Variants in STRN observed in about 807,000 individuals in gnomAD.
STRN encodes the protein striatin.
In STRN, 53 loss-of-function variants were observed where a neutral mutation model predicts 96.3. The observed-to-expected ratio is 0.55, with a 90% CI of 0.44 to 0.69. The LOEUF is 0.69. STRN is among the 30% of genes least tolerant of loss of function. STRN has a pLI of 0.00. For missense variants in STRN, 987 were observed against 963.9 expected (o/e 1.02, Z -0.32); for synonymous variants, 428 against 355.9 (o/e 1.20, Z -2.28).
intron 3 of STRN, among the ~76,000 whole-genome samples, 179 bp downstream of exon 3, chr2:36,915,898 AG>A (rs1453279639): frequency 6.6e-6 from 1 of 152,248 alleles, no homozygotes; most frequent in Non-Finnish European, 1.5e-5. Flanking sequence ...AAGAGGGAAA[AG>A]GAAGGAAGGT....
At chr2:36,901,149 G>A (rs949928984) in intron 5 of STRN, among the ~76,000 whole-genome samples, 1 of 152,124 alleles carries the variant, frequency 6.6e-6, no homozygotes, top group African/African-American at 2.4e-5. Flanking sequence ...ATTAGCAACA[G>A]TATCTTTGTC....
intron 7 of STRN, 21 bp downstream of exon 7, chr2:36,893,877 G>A (rs1669468193): frequency 1.3e-6 from 2 of 1,579,238 alleles, no homozygotes; most frequent in Admixed American, 4.0e-5. Context: ...ATCTCTGGTT[G>A]GATCCAGTAT....
chr2:36,887,367 G>A (rs2717520), intron 7 of STRN, among the ~76,000 whole-genome samples: 128,752 of 151,540 alleles, frequency 0.85, 56,830 homozygotes, highest in Non-Finnish European at 0.96. Flanking sequence ...TTACTTGGGA[G>A]GCTGAGGCAG....
At chr2:36,934,694 C>G (rs145439908) in intron 1 of STRN, among the ~76,000 whole-genome samples, 1 of 152,180 alleles carries the variant, frequency 6.6e-6, no homozygotes, top group African/African-American at 2.4e-5. Flanking sequence ...CTCTTCCCAA[C>G]GGAAGAAGGC....
In STRN at chr2:36,841,589, T is replaced by A. The variant is rs889069059; in HGVS notation, c.*7867A>T. ...TAGTCAAAACCATTCAAAAGAGAACTCACTCTGTAAAAACGATTCTCATAT... is the reference window on the plus strand; with the variant it reads ...TAGTCAAAACCATTCAAAAGAGAACACACTCTGTAAAAACGATTCTCATAT... On this transcript the variant is annotated 3_prime_UTR_variant, in exon 18 of 18. Coordinates refer to ENST00000263918, the MANE Select transcript of STRN (RefSeq NM_003162.4). 4 of 152,176 alleles carry A rather than the reference T, an allele frequency of 2.6e-5. No homozygotes were observed. Among genetic ancestry groups the A allele is most frequent in the Non-Finnish European group, 4.4e-5 (3 of 68,022 alleles). The allele number at this position is 152,176 out of a possible 1,614,324, so 9.4% of individuals were successfully genotyped here. A position where few individuals can be genotyped will look rare whatever the true frequency, so the allele number is the denominator to read the frequency against.
At chr2:36,888,792 C>T (rs1440383591) in intron 7 of STRN, among the ~76,000 whole-genome samples, 1 of 152,022 alleles carries the variant, frequency 6.6e-6, no homozygotes, top group Non-Finnish European at 1.5e-5. Flanking sequence ...GCGATCCTCC[C>T]ACCTCTGCCC....
At position 36,843,222 on chromosome 2, in the gene STRN, C is replaced by T. The variant is rs1344484922; in HGVS notation, c.*6234G>A. Among the ~76,000 whole-genome samples the T allele has an allele frequency of 2.6e-5, 4 of 152,070 alleles. No homozygotes were observed. Among genetic ancestry groups the T allele is most frequent in the Non-Finnish European group, 5.9e-5 (4 of 68,012 alleles). ...CATTAGTATACCAGCATACAGAACA[C>T]CAAACAATGGTGGATAGTTTCAAGG... On this transcript the variant is annotated 3_prime_UTR_variant, in exon 18 of 18. Transcript: ENST00000263918.
intron 5 of STRN, 71 bp downstream of exon 5, chr2:36,902,513 A>G: frequency 8.0e-7 from 1 of 1,245,722 alleles, no homozygotes; most frequent in Non-Finnish European, 1.1e-6. Flanking sequence ...AGTACAAGTA[A>G]TGTCCATAAA....
intron 3 of STRN, among the ~76,000 whole-genome samples, chr2:36,908,717 T>C (rs1669886381): frequency 6.6e-6 from 1 of 152,312 alleles, no homozygotes; most frequent in Admixed American, 6.5e-5. Context: ...CTCATGCCTG[T>C]AATACCAGCA....
rs752683564 is a variant in STRN, at chr2:36,858,102, A to G, written c.1670-79T>C. On this transcript the variant is annotated intron_variant, in intron 13 of 17. Transcript: ENST00000263918. ...TTAGATTTCAGAGAAAGTAAAATAT[A>G]TAAACAATAGCACCTGATAACAGTA... is the stretch of plus-strand genomic sequence containing the variant. 6.6e-6 allele frequency: 8 copies of G among 1,205,136 alleles called. No homozygotes were observed. In the Middle Eastern group the frequency reaches 5.8e-4, roughly 88 times the overall value. 74.7% of individuals were successfully genotyped at this position (1,205,136 alleles called of 1,614,324 possible). A position where few individuals can be genotyped will look rare whatever the true frequency, so the allele number is the denominator to read the frequency against.
At chr2:36,911,814 A>G (rs562704030) in intron 3 of STRN, among the ~76,000 whole-genome samples, 4 of 152,204 alleles carry the variant, frequency 2.6e-5, no homozygotes, top group African/African-American at 9.6e-5. Flanking sequence ...AGACTACCAA[A>G]TGTGCAGCCT....
rs1040781025 is a variant in STRN, at chr2:36,966,445, G to C, written c.19C>G (p.Pro7Ala). The change falls in exon 1 of 18, where the codon CCC (proline) becomes GCC (alanine). Residue 7 changes from proline to alanine, a missense_variant. Transcript: ENST00000263918. ...TGGTTGTTGCTGAAGAAGACGCCGG[G>C]ACCCGCCTGCTCGTCCATGGCGGCC... The part of the protein sequence containing the change: MDEQAG[P>A]GVFFSNNHPG... 2.1e-5 allele frequency: 31 copies of C among 1,463,552 alleles called. No homozygotes were observed. Among genetic ancestry groups the C allele is most frequent in the Non-Finnish European group, 2.8e-5 (31 of 1,109,372 alleles). 90.7% of individuals were successfully genotyped at this position (1,463,552 alleles called of 1,614,324 possible).
rs1668708485 is a variant in STRN at position 36,869,386 on chromosome 2, A to C, written c.1499+168T>G. On this transcript the variant is annotated intron_variant, in intron 11 of 17. Coordinates refer to ENST00000263918, the MANE Select transcript of STRN (RefSeq NM_003162.4). ...ATATCTTCCTAAGCATCAGTTTTCT[A>C]ACCTAGCATTAGGTTGTATAAATGG... Among the ~76,000 whole-genome samples the C allele has an allele frequency of 2.0e-5, 3 of 152,242 alleles. No homozygotes were observed. In the South Asian group the frequency reaches 6.2e-4, roughly 32 times the overall value.
chr2:36,909,013 G>C lies in STRN; in HGVS notation c.413-3395C>G, dbSNP rs138901020. ...AAACACCCCAGAAAAAAAAATAGCT[G>C]GGCAAGGTGGCGCATGCGTGTAATC... is the stretch of plus-strand genomic sequence containing the variant. On this transcript the variant is annotated intron_variant, in intron 3 of 17. Transcript: ENST00000263918. Among the ~76,000 whole-genome samples, 251 of 150,520 alleles carry C rather than the reference G, an allele frequency of 1.7e-3. 2 individuals are homozygous for C. The highest frequency in any genetic ancestry group is 6.8e-3 in the Middle Eastern group (2 of 294).
chr2:36,943,459 GT>G (rs1475137286), intron 1 of STRN, among the ~76,000 whole-genome samples: 1 of 151,840 alleles, frequency 6.6e-6, no homozygotes, highest in African/African-American at 2.4e-5. Flanking sequence ...ATTGTTCTAA[GT>G]ATTATATTTA....
At chr2:36,886,659 C>T in intron 8 of STRN, 57 bp downstream of exon 8, 1 of 1,292,624 alleles carries the variant, frequency 7.7e-7, no homozygotes, top group Non-Finnish European at 1.1e-6. Flanking sequence ...AAAAAAAAAA[C>T]TGGGGGATGT....
At chr2:36,882,861 T>C (rs1391235779) in intron 9 of STRN, among the ~76,000 whole-genome samples, 1 of 152,162 alleles carries the variant, frequency 6.6e-6, no homozygotes, top group Non-Finnish European at 1.5e-5. Context: ...TCAGCCTAAA[T>C]ATGTACTTCA....
At chr2:36,850,310 C>T (rs1406200557) in intron 16 of STRN, among the ~76,000 whole-genome samples, 8 of 152,188 alleles carry the variant, frequency 5.3e-5, no homozygotes, top group African/African-American at 1.9e-4. Context: ...CAGAAGTCAA[C>T]ATATTAACAA....
chr2:36,899,705 G>C (rs527646580), intron 5 of STRN, 47 bp from the exon 6 acceptor site: 1 of 1,497,576 alleles, frequency 6.7e-7, no homozygotes, highest in African/African-American at 1.4e-5. Flanking sequence ...TTTTAACTTC[G>C]ACATAAGAAG....
Sources: gnomAD v4.1 joint callset for allele counts (sites outside exome capture counted in the v4.1 genomes callset) on GRCh38, gnomAD v4.1.1 for gene constraint, MANE v1.5 for transcripts, NCBI Gene and HGNC (gene_info 2026-07-23, HGNC 2026-07-21) for gene names.